The following BCAR3 variants were observed in gnomAD, a reference collection of about 807,000 sequenced individuals.
BCAR3 encodes the protein breast cancer anti-estrogen resistance protein 3.
BCAR3 carries 37 observed loss-of-function variants against 80.1 expected under a neutral mutation model. The observed-to-expected ratio is 0.46, with a 90% confidence interval of 0.36 to 0.61. The LOEUF is 0.61. Among genes scored for constraint, BCAR3 ranks in the 20% least tolerant of loss-of-function variants. BCAR3 has a pLI of 0.00. For missense variants in BCAR3, 978 were observed against 1,068.2 expected (o/e 0.92, Z 1.18); for synonymous variants, 389 against 418.9 (o/e 0.93, Z 0.87).
At chr1:93,741,752 G>T (rs550890838) in intron 2 of BCAR3, among the ~76,000 whole-genome samples, 233 of 152,200 alleles carry the variant, frequency 1.5e-3, no homozygotes, top group African/African-American at 5.4e-3. Flanking sequence ...TGTATTATTA[G>T]TAGAGACAGG....
At chr1:93,846,391 T>A (rs981344885) in intron 1 of BCAR3, among the ~76,000 whole-genome samples, 1 of 152,082 alleles carries the variant, frequency 6.6e-6, no homozygotes, top group Non-Finnish European at 1.5e-5. Context: ...GGGACTGCTG[T>A]GAGCTAATAG....
At chr1:93,572,492 A>G (rs575737952) in intron 8 of BCAR3, among the ~76,000 whole-genome samples, 12 of 152,364 alleles carry the variant, frequency 7.9e-5, no homozygotes, top group Admixed American at 6.5e-4. Flanking sequence ...ATTTTCCCCA[A>G]CAAACCTCCC....
intron 2 of BCAR3, among the ~76,000 whole-genome samples, chr1:93,836,706 T>C (rs931291485): frequency 1.3e-5 from 2 of 152,116 alleles, no homozygotes; most frequent in African/African-American, 4.8e-5. Flanking sequence ...CAAGCCTGCA[T>C]GTATACATCC....
At chr1:93,669,809 CTA>C (rs1485771490) in intron 2 of BCAR3, among the ~76,000 whole-genome samples, 1 of 152,174 alleles carries the variant, frequency 6.6e-6, no homozygotes, top group Non-Finnish European at 1.5e-5. Context: ...AGATTGGAGA[CTA>C]TTATTCTAAG....
intron 2 of BCAR3, among the ~76,000 whole-genome samples, chr1:93,760,169 A>T (rs1416006917): frequency 2.0e-5 from 3 of 151,196 alleles, no homozygotes; most frequent in Non-Finnish European, 4.4e-5. Context: ...GCCCACAGGA[A>T]AAAAAAAAGG....
chr1:93,613,791 C>T, intron 3 of BCAR3: 1 of 1,536,980 alleles, frequency 6.5e-7, no homozygotes, highest in East Asian at 2.4e-5. Context: ...GAAACTCATG[C>T]TTTCAGGGTC....
intron 2 of BCAR3, among the ~76,000 whole-genome samples, chr1:93,706,349 C>T (rs1391478645): frequency 6.6e-6 from 1 of 152,106 alleles, no homozygotes; most frequent in East Asian, 1.9e-4. Flanking sequence ...TGTTTCTTTG[C>T]CTGTTGTCTC....
intron 3 of BCAR3, among the ~76,000 whole-genome samples, chr1:93,638,384 T>G (rs1004225117): frequency 6.6e-6 from 1 of 152,184 alleles, no homozygotes; most frequent in Non-Finnish European, 1.5e-5. Context: ...ATTTTAGCAC[T>G]ACTATTTTAT....
chr1:93,564,475 T>G (rs1481873526), intron 11 of BCAR3, among the ~76,000 whole-genome samples: 1 of 151,634 alleles, frequency 6.6e-6, no homozygotes, highest in South Asian at 2.1e-4. Flanking sequence ...ACGGGGTTTC[T>G]CCACGTTGGT....
chr1:93,743,927 G>C (rs1399108294), intron 2 of BCAR3, among the ~76,000 whole-genome samples: 1 of 152,188 alleles, frequency 6.6e-6, no homozygotes, highest in African/African-American at 2.4e-5. Context: ...TCACATAAAA[G>C]GATGCTAGGG....
intron 3 of BCAR3, among the ~76,000 whole-genome samples, chr1:93,632,206 A>T (rs1379347586): frequency 6.6e-6 from 1 of 152,200 alleles, no homozygotes; most frequent in Non-Finnish European, 1.5e-5. Flanking sequence ...TTTTGTTGAA[A>T]GCCTGTTATG....
intron 2 of BCAR3, among the ~76,000 whole-genome samples, chr1:93,769,983 G>A (rs182885308): frequency 2.8e-4 from 42 of 152,258 alleles, no homozygotes; most frequent in African/African-American, 4.6e-4. Context: ...CAAAAGCAGC[G>A]CATCCCCTCT....
At chr1:93,786,249 GA>G (rs1652942050) in intron 2 of BCAR3, among the ~76,000 whole-genome samples, 1 of 146,568 alleles carries the variant, frequency 6.8e-6, no homozygotes, top group Non-Finnish European at 1.5e-5. Flanking sequence ...TGCTCCCTGG[GA>G]ATGCTCATAC....
chr1:93,566,100 C>T (rs1428749663), intron 11 of BCAR3, among the ~76,000 whole-genome samples: 2 of 152,262 alleles, frequency 1.3e-5, no homozygotes, highest in East Asian at 3.9e-4. Flanking sequence ...TCTTCAGCCA[C>T]GGTCTTATGT....
chr1:93,662,928 C>T (rs921510465), intron 2 of BCAR3, among the ~76,000 whole-genome samples: 2 of 97,260 alleles, frequency 2.1e-5, no homozygotes, highest in Non-Finnish European at 4.0e-5. Context: ...ATGTATCCAC[C>T]TGCATCCTTC....
At chr1:93,636,839 G>A (rs1675794935) in intron 3 of BCAR3, among the ~76,000 whole-genome samples, 1 of 152,160 alleles carries the variant, frequency 6.6e-6, no homozygotes, top group Admixed American at 6.5e-5. Flanking sequence ...GCTCATATCT[G>A]TGATCCCAGC....
chr1:93,676,198 A>G (rs12037223), intron 1 of BCAR3, among the ~76,000 whole-genome samples: 2 of 152,354 alleles, frequency 1.3e-5, no homozygotes, highest in East Asian at 3.9e-4. Flanking sequence ...ACTACTGCAG[A>G]GTCAGTTCTA....
intron 11 of BCAR3, among the ~76,000 whole-genome samples, chr1:93,563,050 T>C (rs1672768556): frequency 6.6e-6 from 1 of 152,198 alleles, no homozygotes; most frequent in African/African-American, 2.4e-5. Flanking sequence ...AGGAGTTCGT[T>C]ACTTGTTTTT....
At chr1:93,669,901 A>G (rs1648125522) in intron 2 of BCAR3, among the ~76,000 whole-genome samples, 1 of 152,196 alleles carries the variant, frequency 6.6e-6, no homozygotes, top group South Asian at 2.1e-4. Context: ...ATGCAAAGGC[A>G]TAAGAATGAT....
Sources: gnomAD v4.1 joint callset for allele counts (sites outside exome capture counted in the v4.1 genomes callset) on GRCh38, gnomAD v4.1.1 for gene constraint, MANE v1.5 for transcripts, NCBI Gene and HGNC (gene_info 2026-07-23, HGNC 2026-07-21) for gene names.